LYPD6B: variants seen among roughly 807,000 people sequenced by gnomAD.
LYPD6B encodes ly6/PLAUR domain-containing protein 6B.
LYPD6B carries 17 observed loss-of-function variants against 22.8 expected under a neutral mutation model. That is an observed-to-expected ratio of 0.75 (90% CI 0.51 to 1.12). The LOEUF is 1.12. LYPD6B is among the 50% of genes most tolerant of loss of function. LYPD6B has a pLI of 0.00. For synonymous variants in LYPD6B, 106 were observed against 91.6 expected (o/e 1.16, Z -0.90); for missense variants, 221 against 258.3 (o/e 0.86, Z 0.99).
chr2:149,094,608 G>A lies in LYPD6B; in HGVS notation c.-66-36275G>A, dbSNP rs957450197. On this transcript the variant is annotated intron_variant, in intron 1 of 6. Coordinates refer to ENST00000409642, the MANE Select transcript of LYPD6B (RefSeq NM_177964.5). The stretch of plus-strand genomic sequence containing the variant: ...CTGGGATTCTTGAGAGCATTCATTA[G>A]CTCTTAGACAGATTCTTCTCTGTGA... Among the ~76,000 whole-genome samples the A allele has an allele frequency of 1.3e-5, 2 of 152,120 alleles. 1 individual carries two copies. Among genetic ancestry groups the A allele is most frequent in the East Asian group, 3.9e-4 (2 of 5,188 alleles).
chr2:149,214,847 G>T lies in LYPD6B; in HGVS notation c.*137G>T. The T allele has an allele frequency of 1.1e-6, 1 of 918,822 alleles. No individual in the cohort carries two copies. The highest frequency in any genetic ancestry group is 1.5e-5 in the South Asian group (1 of 65,204). 56.9% of individuals were successfully genotyped at this position (918,822 alleles called of 1,614,324 possible). On this transcript the variant is annotated 3_prime_UTR_variant, in exon 7 of 7. Transcript: ENST00000409642. The stretch of plus-strand genomic sequence containing the variant: ...ATTGGACCTCAAGGCGAAAGCCAGT[G>T]GTTTGCTTGGATAAAATGTTCCCGC...
chr2:149,186,412 G>T (rs1692106167), intron 3 of LYPD6B, among the ~76,000 whole-genome samples: 1 of 152,218 alleles, frequency 6.6e-6, no homozygotes, highest in African/African-American at 2.4e-5. Flanking sequence ...GCTGAGAGAG[G>T]TGAGGAAGCT....
chr2:149,093,100 G>T (rs1685735783), intron 1 of LYPD6B, among the ~76,000 whole-genome samples: 1 of 152,156 alleles, frequency 6.6e-6, no homozygotes. Context: ...CCTGGAACAA[G>T]GCTGTCAGAA....
At chr2:149,085,153 A>C (rs1016374050) in intron 1 of LYPD6B, among the ~76,000 whole-genome samples, 11 of 152,204 alleles carry the variant, frequency 7.2e-5, no homozygotes, top group Non-Finnish European at 1.3e-4. Flanking sequence ...CCGATGAGAA[A>C]GCTGAGCCAC....
intron 2 of LYPD6B, among the ~76,000 whole-genome samples, chr2:149,157,323 A>AG (rs533025294): frequency 0.27 from 41,476 of 152,098 alleles, 7,151 homozygotes; most frequent in East Asian, 0.54. Context: ...AAGTCAGTCT[A>AG]AAAACACACA....
intron 1 of LYPD6B, among the ~76,000 whole-genome samples, chr2:149,077,305 T>A (rs954886666): frequency 6.6e-6 from 1 of 152,238 alleles, no homozygotes; most frequent in Non-Finnish European, 1.5e-5. Flanking sequence ...TGAAACTTAC[T>A]CGCTTTCCTG....
intron 3 of LYPD6B, among the ~76,000 whole-genome samples, chr2:149,197,833 G>A (rs187196143): frequency 6.6e-6 from 1 of 152,202 alleles, no homozygotes; most frequent in East Asian, 1.9e-4. Flanking sequence ...ATGCATACAT[G>A]ACTTGGCATA....
chr2:149,172,827 T>G (rs1225986793), intron 3 of LYPD6B, among the ~76,000 whole-genome samples: 1 of 152,056 alleles, frequency 6.6e-6, no homozygotes, highest in East Asian at 1.9e-4. Context: ...ATGGATGTTC[T>G]GCCTTCAGTG....
chr2:149,194,306 C>G (rs1692669249), intron 3 of LYPD6B, among the ~76,000 whole-genome samples: 1 of 152,118 alleles, frequency 6.6e-6, no homozygotes, highest in Admixed American at 6.5e-5. Flanking sequence ...AATACCTCTG[C>G]TAAAACAAGC....
At chr2:149,203,307 C>T (rs1407602850) in intron 3 of LYPD6B, among the ~76,000 whole-genome samples, 1 of 152,178 alleles carries the variant, frequency 6.6e-6, no homozygotes, top group African/African-American at 2.4e-5. Context: ...GCCTTCTCTC[C>T]ATATTATAAG....
chr2:149,104,462 G>A (rs938514474), intron 1 of LYPD6B, among the ~76,000 whole-genome samples: 1 of 152,140 alleles, frequency 6.6e-6, no homozygotes, highest in Non-Finnish European at 1.5e-5. Flanking sequence ...TGTTGGTAAG[G>A]TTGCATCTCC....
At chr2:149,207,405 A>G (rs115621476) in intron 4 of LYPD6B, among the ~76,000 whole-genome samples, 297 of 152,274 alleles carry the variant, frequency 2.0e-3, no homozygotes, top group African/African-American at 6.9e-3. Context: ...TCTTTGTCTT[A>G]GGAAAATGGG....
chr2:149,191,654 T>A (rs1056829643), intron 3 of LYPD6B, among the ~76,000 whole-genome samples: 53 of 152,300 alleles, frequency 3.5e-4, no homozygotes, highest in Admixed American at 1.1e-3. Context: ...CTCCAACTCA[T>A]ACTATATAAA....
chr2:149,158,940 T>C (rs1689875921), intron 2 of LYPD6B, among the ~76,000 whole-genome samples: 1 of 152,194 alleles, frequency 6.6e-6, no homozygotes, highest in Admixed American at 6.5e-5. Context: ...ACCCAACTTT[T>C]TATTGGAAGA....
chr2:149,205,848 G>A (rs542728287), intron 4 of LYPD6B, among the ~76,000 whole-genome samples: 9 of 152,142 alleles, frequency 5.9e-5, no homozygotes, highest in South Asian at 2.1e-4. Context: ...CATTACTACC[G>A]CGCGTAATCA....
intron 2 of LYPD6B, among the ~76,000 whole-genome samples, chr2:149,137,229 A>G (rs555903152): frequency 2.0e-5 from 3 of 152,330 alleles, no homozygotes; most frequent in African/African-American, 7.2e-5. Context: ...TGTTAAGATC[A>G]TGCAGTTAGT....
At chr2:149,199,434 T>A (rs1693020591) in intron 3 of LYPD6B, among the ~76,000 whole-genome samples, 1 of 152,224 alleles carries the variant, frequency 6.6e-6, no homozygotes, top group Admixed American at 6.5e-5. Context: ...TCCCAATAAT[T>A]TTTGAGCGCA....
chr2:149,180,700 G>A (rs754658761), intron 3 of LYPD6B, among the ~76,000 whole-genome samples: 62 of 152,308 alleles, frequency 4.1e-4, no homozygotes, highest in Middle Eastern at 3.4e-3. Flanking sequence ...GCCTGTGGCC[G>A]GGAGCTGTGT....
At chr2:149,172,721 A>G (rs927073877) in intron 3 of LYPD6B, among the ~76,000 whole-genome samples, 2 of 152,140 alleles carry the variant, frequency 1.3e-5, no homozygotes, top group Non-Finnish European at 2.9e-5. Context: ...TCTTCTATGT[A>G]GGTGGGTACT....
Sources: gnomAD v4.1 joint callset for allele counts (sites outside exome capture counted in the v4.1 genomes callset) on GRCh38, gnomAD v4.1.1 for gene constraint, MANE v1.5 for transcripts, NCBI Gene and HGNC (gene_info 2026-07-23, HGNC 2026-07-21) for gene names.